VDAC1: variants seen among roughly 807,000 people sequenced by gnomAD.
The protein encoded by VDAC1 is voltage dependent anion channel 1, also known as non-selective voltage-gated ion channel VDAC1.
In VDAC1, 10 loss-of-function variants were observed where a neutral mutation model predicts 34.7. The ratio of observed to expected loss-of-function variants is 0.29; its 90% CI spans 0.18 to 0.49. The LOEUF (loss-of-function observed/expected upper bound fraction) is 0.49. Ranked by LOEUF, VDAC1 falls within the 20% of genes least tolerant of loss-of-function variation. The pLI, the probability that VDAC1 is intolerant of heterozygous loss-of-function variation, is 0.99. For missense variants in VDAC1, 230 were observed against 347.9 expected, an observed-to-expected ratio of 0.66 and a Z score of 2.69; for synonymous variants, 130 against 136.0, an observed-to-expected ratio of 0.96 and a Z score of 0.30.
At chr5:133,981,458 G>C (rs1347852792) in intron 5 of VDAC1, among the ~76,000 whole-genome samples, 1 of 152,168 alleles carries the variant, frequency 6.6e-6, no homozygotes, top group Non-Finnish European at 1.5e-5. Context: ...CTCTAAGTGA[G>C]TACAACAGTA....
chr5:134,028,369 G>A, the VDAC1 span, among the ~76,000 whole-genome samples: 2 of 152,046 alleles, frequency 1.3e-5, no homozygotes, highest in Non-Finnish European at 2.9e-5. Flanking sequence ...CTGACCTCAG[G>A]TGATTCGCCT....
intron 1 of VDAC1, among the ~76,000 whole-genome samples, chr5:133,999,090 C>T (rs1753440618): frequency 6.6e-6 from 1 of 152,162 alleles, no homozygotes; most frequent in African/African-American, 2.4e-5. Flanking sequence ...GCAGGAGGAT[C>T]GCCTGAATGC....
At chr5:133,978,214 T>C (rs1752553061) in intron 6 of VDAC1, among the ~76,000 whole-genome samples, 1 of 152,134 alleles carries the variant, frequency 6.6e-6, no homozygotes, top group Non-Finnish European at 1.5e-5. Context: ...TTTCCCAGGC[T>C]GGAGAGCAGT....
At chr5:134,081,600 C>T in the VDAC1 span, among the ~76,000 whole-genome samples, 1 of 152,134 alleles carries the variant, frequency 6.6e-6, no homozygotes, top group Non-Finnish European at 1.5e-5. Context: ...TTTCTTTTGA[C>T]AAAAGGTAGT....
intron 5 of VDAC1, 86 bp downstream of exon 5, chr5:133,990,769 G>A (rs1753075278): frequency 1.4e-6 from 2 of 1,462,284 alleles, no homozygotes; most frequent in Non-Finnish European, 1.8e-6. Flanking sequence ...GGTGCTGTCA[G>A]CCCCCAAAAC....
the VDAC1 span, among the ~76,000 whole-genome samples, chr5:134,080,828 T>C: frequency 6.6e-6 from 1 of 152,168 alleles, no homozygotes; most frequent in African/African-American, 2.4e-5. Flanking sequence ...AAGAGGTTTT[T>C]TCTCTAGATA....
the VDAC1 span, among the ~76,000 whole-genome samples, chr5:134,024,045 G>A: frequency 1.3e-5 from 2 of 151,972 alleles, no homozygotes; most frequent in Non-Finnish European, 2.9e-5. Flanking sequence ...TCAGCAGACT[G>A]AGGCAGGAGA....
intron 5 of VDAC1, among the ~76,000 whole-genome samples, chr5:133,987,935 C>T (rs764047970): frequency 3.9e-5 from 6 of 152,106 alleles, no homozygotes; most frequent in South Asian, 2.1e-4. Flanking sequence ...AAATGCATAA[C>T]CTAAATTTAA....
chr5:134,015,782 C>A, the VDAC1 span, among the ~76,000 whole-genome samples: 2 of 152,148 alleles, frequency 1.3e-5, no homozygotes, highest in East Asian at 3.9e-4. Context: ...GTAGCTGGGA[C>A]TACAGGCACA....
chr5:133,973,865 C>G lies in VDAC1; in HGVS notation c.703-17G>C, dbSNP rs201989551. On this transcript the variant is annotated splice_polypyrimidine_tract_variant and intron_variant, in intron 7 of 8. Coordinates refer to ENST00000265333, the MANE Select transcript of VDAC1 (RefSeq NM_003374.3). Reference sequence around the variant, plus strand: ...CACTTTAGCCTAATCAAGGAAATGACAAAACAGAGAAAACATTAAGTATAA... The same window carrying G: ...CACTTTAGCCTAATCAAGGAAATGAGAAAACAGAGAAAACATTAAGTATAA... 1.1e-5 allele frequency: 17 copies of G among 1,609,890 alleles called. No individual in the cohort carries two copies. The African/African-American group carries it at 1.6e-4, about 15-fold the overall frequency.
At chr5:134,033,947 G>C in the VDAC1 span, among the ~76,000 whole-genome samples, 724 of 151,768 alleles carry the variant, frequency 4.8e-3, 5 homozygotes, top group African/African-American at 0.015. Context: ...AGCCGAGATC[G>C]CACCACCGCA....
At chr5:134,071,544 T>C in the VDAC1 span, among the ~76,000 whole-genome samples, 4 of 152,210 alleles carry the variant, frequency 2.6e-5, no homozygotes, top group Admixed American at 2.0e-4. The surrounding 1 kb of genome is among the most constrained non-coding windows in gnomAD (Gnocchi z 4.1). Flanking sequence ...GTGTGGTAAA[T>C]GCAGATGACC....
At chr5:134,092,675 CAA>C in the VDAC1 span, among the ~76,000 whole-genome samples, 38 of 96,962 alleles carry the variant, frequency 3.9e-4, 1 homozygote, top group African/African-American at 9.1e-4. Context: ...GATTCCGTCT[CAA>C]AAAAAAAAAA....
At chr5:134,082,075 G>C in the VDAC1 span, 3 of 154,262 alleles carry the variant, frequency 1.9e-5, no homozygotes, top group African/African-American at 7.2e-5. Flanking sequence ...GGGCATGAAG[G>C]GTGGCTGCAG....
chr5:134,009,035 G>T (rs975527185), upstream of VDAC1, among the ~76,000 whole-genome samples: 3 of 151,920 alleles, frequency 2.0e-5, no homozygotes, highest in Admixed American at 6.6e-5. Flanking sequence ...GGGGAAACAG[G>T]ACAGAAAGCA....
intron 6 of VDAC1, among the ~76,000 whole-genome samples, chr5:133,979,998 A>G (rs779312423): frequency 3.3e-5 from 5 of 152,208 alleles, no homozygotes; most frequent in Non-Finnish European, 5.9e-5. Context: ...TTACACATTA[A>G]TATCACTGAT....
the VDAC1 span, among the ~76,000 whole-genome samples, chr5:134,040,268 T>TA: frequency 6.6e-6 from 1 of 152,098 alleles, no homozygotes; most frequent in African/African-American, 2.4e-5. Flanking sequence ...CGGTCTCCAC[T>TA]AAAAATATAA....
At chr5:134,028,281 C>T in the VDAC1 span, among the ~76,000 whole-genome samples, 6 of 151,658 alleles carry the variant, frequency 4.0e-5, no homozygotes, top group South Asian at 2.1e-4. Flanking sequence ...TACAGGGACC[C>T]GCCACCATGC....
the VDAC1 span, among the ~76,000 whole-genome samples, chr5:134,055,771 A>G: frequency 1.1e-4 from 16 of 151,468 alleles, no homozygotes; most frequent in Non-Finnish European, 2.1e-4. Flanking sequence ...AAAAGTAAAT[A>G]CATGCCTGTA....
Sources: allele counts gnomAD v4.1 joint callset (sites outside exome capture counted in the v4.1 genomes callset), GRCh38; gene constraint gnomAD v4.1.1; non-coding constraint Gnocchi (gnomAD v3.1); transcripts MANE v1.5; gene names NCBI Gene and HGNC (gene_info 2026-07-23, HGNC 2026-07-21).